The following ANKDD1A variants were observed in gnomAD, a reference collection of about 807,000 sequenced individuals.
ANKDD1A encodes ankyrin repeat and death domain containing 1A, also known as ankyrin repeat and death domain-containing protein 1A.
A neutral mutation model predicts 63.5 loss-of-function variants in ANKDD1A; 59 were observed. That is an observed-to-expected ratio of 0.93 (90% CI 0.75 to 1.15). ANKDD1A has a LOEUF of 1.15. ANKDD1A is among the 50% of genes most tolerant of loss of function. The probability of loss-of-function intolerance (pLI) is 0.00; values close to 1 mark genes in which losing one functional copy is unlikely to be tolerated. For synonymous variants in ANKDD1A, 266 were observed against 263.9 expected (o/e 1.01, Z -0.08); for missense variants, 632 against 656.4 (o/e 0.96, Z 0.41).
intron 9 of ANKDD1A, among the ~76,000 whole-genome samples, chr15:64,938,755 C>T (rs2140376764): frequency 6.6e-6 from 1 of 151,764 alleles, no homozygotes; most frequent in Non-Finnish European, 1.5e-5. Context: ...AGTTCAAGAC[C>T]AGCCTGGCCA....
At chr15:64,917,550 G>T in intron 3 of ANKDD1A, 36 bp downstream of exon 3, 1 of 1,538,920 alleles carries the variant, frequency 6.5e-7, no homozygotes, top group Non-Finnish European at 8.8e-7. Flanking sequence ...TCAGGGTGGT[G>T]GGGGGCACTG....
chr15:64,930,698 T>C lies in ANKDD1A; in HGVS notation c.571-124T>C, dbSNP rs1021455335. On this transcript the variant is annotated intron_variant, in intron 6 of 14. Coordinates refer to ENST00000319580, the MANE Select transcript of ANKDD1A (RefSeq NM_182703.6). The stretch of plus-strand genomic sequence containing the variant: ...CCCTTGAATCTGCCCCTGGTTATAG[T>C]TTTTGGCCCAGTTGTCAGGAGCAGG... 9.6e-6 allele frequency: 8 copies of C among 835,924 alleles called. 1 individual carries two copies. The African/African-American group carries it at 1.4e-4, about 14-fold the overall frequency. The allele number at this position is 835,924 out of a possible 1,614,324, so 51.8% of individuals were successfully genotyped here. A position where few individuals can be genotyped will look rare whatever the true frequency, so the allele number is the denominator to read the frequency against.
chr15:64,916,640 T>C (rs1385864210), intron 2 of ANKDD1A, among the ~76,000 whole-genome samples: 1 of 152,190 alleles, frequency 6.6e-6, no homozygotes, highest in Admixed American at 6.5e-5. Flanking sequence ...AGTGGCATTT[T>C]TGAGGAGCCA....
At chr15:64,953,087 CTTCT>C (rs1235263834) in intron 14 of ANKDD1A, among the ~76,000 whole-genome samples, 1 of 139,832 alleles carries the variant, frequency 7.2e-6, no homozygotes, top group Non-Finnish European at 1.5e-5. Flanking sequence ...CTTCTTCTTC[CTTCT>C]TATACTTTCT....
At position 64,951,264 on chromosome 15, in the gene ANKDD1A, T is replaced by C. The variant is rs181056886; in HGVS notation, c.1483+1292T>C. ...GTCCTTTTGAGCTCTTGGCACACTTTGTTTATTTCTTCTTCTTTTTCTTTT... is the reference window on the plus strand; with the variant it reads ...GTCCTTTTGAGCTCTTGGCACACTTCGTTTATTTCTTCTTCTTTTTCTTTT... On this transcript the variant is annotated intron_variant, in intron 14 of 14. Transcript: ENST00000319580. The C allele has an allele frequency of 1.3e-5, 13 of 980,028 alleles. No individual in the cohort carries two copies. In the African/African-American group the frequency reaches 1.6e-4, roughly 12 times the overall value. 60.7% of individuals were successfully genotyped at this position (980,028 alleles called of 1,614,324 possible).
rs111217829 is a variant in ANKDD1A, at chr15:64,951,720, C to T, written c.1483+1748C>T. Among the ~76,000 whole-genome samples, 437 of 136,212 alleles carry T rather than the reference C, an allele frequency of 3.2e-3. 3 individuals carry two copies. The highest frequency in any genetic ancestry group is 9.2e-3 in the Middle Eastern group (2 of 218). The allele number at this position is 136,212 out of a possible 152,430, so 89.4% of individuals were successfully genotyped here. On this transcript the variant is annotated intron_variant, in intron 14 of 14. Coordinates refer to ENST00000319580, the MANE Select transcript of ANKDD1A (RefSeq NM_182703.6). The stretch of plus-strand genomic sequence containing the variant: ...TCTTCTTCCTTATTTTCTTTTTCTT[C>T]CCTTTTCTTCTTTCCTCCTTCTTCC...
intron 1 of ANKDD1A, chr15:64,914,263 G>A (rs960169929): frequency 6.6e-6 from 1 of 152,274 alleles, no homozygotes; most frequent in Non-Finnish European, 1.5e-5. Flanking sequence ...TGGGATTACA[G>A]GTGTGAGCCA....
intron 3 of ANKDD1A, among the ~76,000 whole-genome samples, chr15:64,918,144 C>G (rs1274109025): frequency 6.6e-6 from 1 of 152,190 alleles, no homozygotes; most frequent in Non-Finnish European, 1.5e-5. Context: ...GGGTGGATCA[C>G]TTGATCCCAG....
chr15:64,935,725 T>C (rs1246416407), intron 9 of ANKDD1A, among the ~76,000 whole-genome samples: 1 of 150,394 alleles, frequency 6.6e-6, no homozygotes, highest in African/African-American at 2.5e-5. Flanking sequence ...ATCCCTGTAA[T>C]CCCAGCTACT....
chr15:64,951,109 A>T, intron 14 of ANKDD1A: 1 of 1,171,912 alleles, frequency 8.5e-7, no homozygotes, highest in South Asian at 1.6e-5. Flanking sequence ...TTAAAAAATC[A>T]CTGTTAACAG....
chr15:64,915,898 C>T lies in ANKDD1A; in HGVS notation c.136C>T (p.His46Tyr). The T allele has an allele frequency of 1.9e-6, 3 of 1,613,216 alleles. No individual in the cohort carries two copies. In the African/African-American group the frequency reaches 4.0e-5, roughly 22 times the overall value. ...GRRVNTRARN[H>Y]VGRVALHWAA... The stretch of plus-strand genomic sequence containing the variant: ...GAGGGTTAACACCAGGGCCAGAAAC[C>T]ACGTGCGTAATGAGCTTCTCTGAAT... Residue 46 changes from histidine to tyrosine, a missense_variant and splice_region_variant, in exon 2 of 15, where the codon CAC becomes TAC. By Grantham distance (83) the His-to-Tyr change is moderately conservative (BLOSUM62 2). Coordinates refer to ENST00000319580, the MANE Select transcript of ANKDD1A (RefSeq NM_182703.6).
intron 14 of ANKDD1A, among the ~76,000 whole-genome samples, chr15:64,954,744 CTTCTTCT>C (rs372165293): frequency 3.1e-5 from 4 of 127,596 alleles, no homozygotes; most frequent in African/African-American, 8.2e-5. Context: ...CTTCCTTCTC[CTTCTTCT>C]TTCTTTTTGT....
chr15:64,920,417 G>A (rs183074511), intron 3 of ANKDD1A, among the ~76,000 whole-genome samples: 35 of 152,294 alleles, frequency 2.3e-4, no homozygotes, highest in African/African-American at 7.9e-4. Flanking sequence ...GATGGAAATT[G>A]CAGGAGTACA....
In ANKDD1A at chr15:64,947,483, TG is replaced by T. The variant is rs767957534; in HGVS notation, c.1242del (p.Leu415CysfsTer100). 2.3e-5 allele frequency: 37 copies of T among 1,614,038 alleles called. No individual in the cohort carries two copies. The highest frequency in any genetic ancestry group is 1.6e-4 in the Middle Eastern group (1 of 6,084). On this transcript the variant is annotated frameshift_variant, in exon 13 of 15. Transcript: ENST00000319580. LOFTEE classifies it high-confidence loss of function. ...HRQETQQLRS[V>X]LWRLASRYLQ... ...CAGGAAACACAGCAGCTCCGTTCTG[TG>T]CTGTGGCGGCTGGCCTCCAGGTATC...
chr15:64,918,511 C>T (rs2084986379), intron 3 of ANKDD1A, among the ~76,000 whole-genome samples: 1 of 152,190 alleles, frequency 6.6e-6, no homozygotes, highest in South Asian at 2.1e-4. Flanking sequence ...TTAGCCTGAG[C>T]TCCCTGGTGA....
intron 6 of ANKDD1A, among the ~76,000 whole-genome samples, chr15:64,930,076 C>T (rs1489638272): frequency 1.3e-5 from 2 of 152,016 alleles, no homozygotes; most frequent in African/African-American, 2.4e-5. Context: ...AGGGGGACAA[C>T]ACACACCAGG....
At chr15:64,943,270 AG>A (rs2085198426) in intron 10 of ANKDD1A, 3 of 547,632 alleles carry the variant, frequency 5.5e-6, no homozygotes, top group African/African-American at 3.8e-5. Flanking sequence ...CAGAGTTTAT[AG>A]TACACAAAAA....
At position 64,917,490 on chromosome 15, in the gene ANKDD1A, G is replaced by C; in HGVS notation, c.243G>C (p.Gly81=). The change falls in exon 3 of 15, where the codon GGG becomes GGC. Residue 81 remains glycine, a synonymous_variant. Coordinates refer to ENST00000319580, the MANE Select transcript of ANKDD1A (RefSeq NM_182703.6). ...EAAVDEEDAV[G]ALTEARLCFG... is the part of the protein sequence containing the mutation. ...CTGTGGACGAGGAGGATGCGGTAGG[G>C]GCCCTCACAGAGGCACGTCTGTGTG... is the stretch of plus-strand genomic sequence containing the variant. The C allele has an allele frequency of 6.3e-7, 1 of 1,588,412 alleles. No individual in the cohort carries two copies. The highest frequency in any genetic ancestry group is 8.6e-7 in the Non-Finnish European group (1 of 1,167,726).
At chr15:64,926,364 G>C (rs987449343) in intron 5 of ANKDD1A, among the ~76,000 whole-genome samples, 194 bp downstream of exon 5, 2 of 152,158 alleles carry the variant, frequency 1.3e-5, no homozygotes, top group South Asian at 4.1e-4. Context: ...AACACAGTCA[G>C]TTGCCACAGA....
Sources: gnomAD v4.1 joint callset for allele counts (sites outside exome capture counted in the v4.1 genomes callset) on GRCh38, gnomAD v4.1.1 for gene constraint, MANE v1.5 for transcripts, NCBI Gene and HGNC (gene_info 2026-07-23, HGNC 2026-07-21) for gene names.